The following MUC5B variants were observed in gnomAD, a reference collection of about 807,000 sequenced individuals.
MUC5B encodes mucin 5B, oligomeric mucus/gel-forming, also known as mucin-5B.
MUC5B carries 116 observed loss-of-function variants against 376.9 expected under a neutral mutation model. That is an observed-to-expected ratio of 0.31 (90% CI 0.26 to 0.36). The LOEUF (loss-of-function observed/expected upper bound fraction) is 0.36. Among genes scored for constraint, MUC5B ranks in the 10% least tolerant of loss-of-function variants. MUC5B has a pLI of 1.00. For synonymous variants in MUC5B, 3,517 were observed against 3,390.9 expected (o/e 1.04, Z -1.29); for missense variants, 7,165 against 7,769.9 (o/e 0.92, Z 2.93).
Position 1,246,781 on chromosome 11 carries a change from G to A in MUC5B, c.9901G>A (p.Gly3301Arg), listed in dbSNP as rs998774102. ...GSVATPSSTP[G>R]TAHTTKVPTT... is the part of the protein sequence containing the mutation. ...TGTGGCCACCCCCTCCTCCACCCCA[G>A]GAACAGCTCACACTACCAAAGTGCC... Residue 3301 changes from glycine to arginine, a missense_variant, in exon 31 of 49, where the codon GGA becomes AGA. By Grantham distance (125) the Gly-to-Arg change is moderately radical. Transcript: ENST00000529681. 2.5e-6 allele frequency: 4 copies of A among 1,610,056 alleles called. No homozygotes were observed. The African/African-American group carries it at 4.0e-5, about 16-fold the overall frequency.
intron 26 of MUC5B, 176 bp from the exon 27 acceptor site, chr11:1,239,262 G>A: frequency 1.1e-6 from 1 of 940,896 alleles, no homozygotes. Flanking sequence ...TCCAAGGGCA[G>A]GGCTGGGGAG....
rs1359543488 is a variant in MUC5B, at chr11:1,226,369, GGGGCCGTT to G, written c.199+99_199+106del. 4 of 1,456,352 alleles carry G rather than the reference GGGGCCGTT, an allele frequency of 2.7e-6. No homozygotes were observed. In the African/African-American group the frequency reaches 5.6e-5, roughly 20 times the overall value. The allele number at this position is 1,456,352 out of a possible 1,614,324, so 90.2% of individuals were successfully genotyped here. On this transcript the variant is annotated intron_variant, in intron 3 of 48. Coordinates refer to ENST00000529681, the MANE Select transcript of MUC5B (RefSeq NM_002458.3). ...TCTAGGGGTGCAGCTGCCACCAGGT[GGGGCCGTT>G]GGGCCAGACCCAGAGTCCTCCGTGT...
intron 1 of MUC5B, among the ~76,000 whole-genome samples, chr11:1,224,428 T>A (rs1333445598): frequency 1.4e-5 from 2 of 138,042 alleles, no homozygotes; most frequent in African/African-American, 2.7e-5. Flanking sequence ...ACGGAGCAGA[T>A]AACCAAGGGC....
intron 1 of MUC5B, among the ~76,000 whole-genome samples, chr11:1,224,206 T>G (rs1289543576): frequency 2.0e-5 from 3 of 152,186 alleles, no homozygotes; most frequent in Non-Finnish European, 4.4e-5. Context: ...CGTCCTCCTG[T>G]CCTCCACGCA....
intron 27 of MUC5B, 31 bp downstream of exon 27, chr11:1,239,597 C>T (rs762380379): frequency 2.6e-6 from 4 of 1,542,272 alleles, no homozygotes; most frequent in African/African-American, 2.7e-5. Context: ...GATGGAGCCT[C>T]CTCTCCTTGG....
intron 23 of MUC5B, among the ~76,000 whole-genome samples, chr11:1,235,804 C>T (rs766401313): frequency 1.3e-4 from 20 of 151,866 alleles, no homozygotes; most frequent in Admixed American, 4.6e-4. Flanking sequence ...GGCCCCCCCC[C>T]GCCCCCACGT....
At position 1,246,604 on chromosome 11, in the gene MUC5B, T is replaced by G; in HGVS notation, c.9724T>G (p.Ser3242Ala). The change falls in exon 31 of 49, where the codon TCT becomes GCT. Residue 3242 changes from serine (S) to alanine (A), a missense_variant. Physicochemically the swap from Ser to Ala is moderately conservative, Grantham distance 99. Coordinates refer to ENST00000529681, the MANE Select transcript of MUC5B (RefSeq NM_002458.3). ...PTATSVTAIP[S>A]SSLGTAWTRL... ...AGCTACCAGCGTTACAGCCATCCCC[T>G]CTTCCTCCCTGGGCACCGCCTGGAC... is the stretch of plus-strand genomic sequence containing the variant. The G allele has an allele frequency of 6.2e-7, 1 of 1,611,112 alleles. No homozygotes were observed. Among genetic ancestry groups the G allele is most frequent in the Non-Finnish European group, 8.5e-7 (1 of 1,179,132 alleles).
Position 1,254,147 on chromosome 11 carries a change from C to T in MUC5B, c.15273C>T (p.Tyr5091=), listed in dbSNP as rs773227141. Residue 5091 remains tyrosine (Y), a synonymous_variant, in exon 34 of 49, where the codon TAC becomes TAT. Coordinates refer to ENST00000529681, the MANE Select transcript of MUC5B (RefSeq NM_002458.3). ...SHYSTFDGTS[Y]TFRGNCTYVL... ...ATTCCACCTTTGACGGCACCTCTTA[C>T]ACCTTCCGGGGCAACTGCACCTATG... The T allele has an allele frequency of 9.9e-6, 16 of 1,612,866 alleles. No homozygotes were observed. The highest frequency in any genetic ancestry group is 9.3e-5 in the African/African-American group (7 of 74,942).
intron 25 of MUC5B, 27 bp from the exon 26 acceptor site, chr11:1,238,844 T>C: frequency 6.5e-7 from 1 of 1,539,984 alleles, no homozygotes; most frequent in Non-Finnish European, 8.8e-7. Flanking sequence ...TTGTCCCGGC[T>C]GAGCTGCACC....
At position 1,239,473 on chromosome 11, in the gene MUC5B, T is replaced by C; in HGVS notation, c.3490T>C (p.Cys1164Arg). 6.2e-7 allele frequency: 1 copy of C among 1,608,106 alleles called. No individual in the cohort carries two copies. ...TGACTTCTACAACCCACATGGGGGC[T>C]GTGAGTGGCACTACCAGCCCTGCGG... ...FCDFYNPHGG[C>R]EWHYQPCGAP... is the part of the protein sequence containing the mutation. Residue 1164 changes from cysteine to arginine, a missense_variant, in exon 27 of 49, where the codon TGT becomes CGT. Physicochemically the swap from Cys to Arg is radical, Grantham distance 180 (BLOSUM62 -3). Around this residue, in one of 31 missense-constraint regions of MUC5B, gnomAD observed 517 missense variants for 545.3 expected, o/e 0.95. Transcript: ENST00000529681.
intron 8 of MUC5B, 52 bp downstream of exon 8, chr11:1,228,817 G>C: frequency 1.4e-6 from 2 of 1,434,172 alleles, no homozygotes; most frequent in Non-Finnish European, 1.8e-6. Flanking sequence ...GAAGGGGCAG[G>C]GGGAGCGCCT....
In MUC5B at chr11:1,258,346, G is replaced by C. The variant is rs566478909; in HGVS notation, c.16572G>C (p.Ser5524=). Residue 5524 remains serine, a synonymous_variant, in exon 43 of 49, where the codon TCG becomes TCC. Transcript: ENST00000529681. The surrounding 1 kb of genome is among the most constrained non-coding windows in gnomAD (Gnocchi z 5.5). ...TCCTTCCAGGACCTCAGCTGTGTTC[G>C]TACAATGGCACCTTCTACGGGGTAA... ...PTFRCRPQLC[S]YNGTFYGVGA... is the part of the protein sequence containing the mutation. 1.9e-6 allele frequency: 3 copies of C among 1,612,022 alleles called. No individual in the cohort carries two copies. Among genetic ancestry groups the C allele is most frequent in the Non-Finnish European group, 2.5e-6 (3 of 1,179,596 alleles).
chr11:1,239,283 G>C (rs1463886945), intron 26 of MUC5B, 155 bp from the exon 27 acceptor site: 3 of 1,042,320 alleles, frequency 2.9e-6, no homozygotes, highest in Non-Finnish European at 4.1e-6. Flanking sequence ...TGGAGGGGAA[G>C]GTGAGGCACC....
chr11:1,243,266 C>T lies in MUC5B; in HGVS notation c.6386C>T (p.Thr2129Ile), dbSNP rs997551264. 4 of 1,555,472 alleles carry T rather than the reference C, an allele frequency of 2.6e-6. No homozygotes were observed. In the African/African-American group the frequency reaches 4.1e-5, roughly 16 times the overall value. Residue 2129 changes from threonine to isoleucine, a missense_variant, in exon 31 of 49, where the codon ACT becomes ATT. Around this residue, in one of 31 missense-constraint regions of MUC5B, gnomAD observed 897 missense variants for 779.6 expected, o/e 1.15. Coordinates refer to ENST00000529681, the MANE Select transcript of MUC5B (RefSeq NM_002458.3). ...TPSSSTQTSG[T>I]PPSLTTTATT... ...TCCTCTAGCACACAGACCAGTGGTA[C>T]TCCCCCATCACTGACCACCACGGCC...
chr11:1,261,688 C>G lies in MUC5B; in HGVS notation c.*80C>G, dbSNP rs2133857912. On this transcript the variant is annotated 3_prime_UTR_variant, in exon 49 of 49. Coordinates refer to ENST00000529681, the MANE Select transcript of MUC5B (RefSeq NM_002458.3). ...GTCTGATCATGAAAACCTTGGGCCT[C>G]CTCTGCGGAGCCCCCCGGCCTGTGT... 1 of 1,391,272 alleles carries G rather than the reference C, an allele frequency of 7.2e-7. No homozygotes were observed. The highest frequency in any genetic ancestry group is 9.9e-7 in the Non-Finnish European group (1 of 1,010,150). The allele number at this position is 1,391,272 out of a possible 1,614,324, so 86.2% of individuals were successfully genotyped here. A position where few individuals can be genotyped will look rare whatever the true frequency, so the allele number is the denominator to read the frequency against.
At chr11:1,229,092 C>T (rs903853101) in intron 8 of MUC5B, 78 bp from the exon 9 acceptor site, 12 of 1,423,228 alleles carry the variant, frequency 8.4e-6, no homozygotes, top group South Asian at 2.9e-5. Flanking sequence ...TGTGGAAGGC[C>T]GTGGAAGGCG....
chr11:1,233,331 C>G (rs1287565467), intron 18 of MUC5B, 63 bp downstream of exon 18: 40 of 1,447,840 alleles, frequency 2.8e-5, no homozygotes, highest in Non-Finnish European at 3.6e-5. Context: ...CCGCCCTCCC[C>G]GAAGGCTTCT....
In MUC5B at chr11:1,235,291, T is replaced by C. The variant is rs1198276060; in HGVS notation, c.2770-12T>C. The C allele has an allele frequency of 3.7e-6, 6 of 1,611,024 alleles. No homozygotes were observed. The Admixed American group carries it at 5.0e-5, about 13-fold the overall frequency. On this transcript the variant is annotated splice_polypyrimidine_tract_variant and intron_variant, in intron 22 of 48. Coordinates refer to ENST00000529681, the MANE Select transcript of MUC5B (RefSeq NM_002458.3). ...CAGCCCGCGGCCAGCAGCTTGTCTC[T>C]TTCTGGCCCAGGACTACTGTGGGGA...
Position 1,232,166 on chromosome 11 carries a change from C to A in MUC5B, c.1843+6C>A, listed in dbSNP as rs760010728. On this transcript the variant is annotated splice_donor_region_variant and intron_variant, in intron 15 of 48. Transcript: ENST00000529681. ...CTCCCTCAGTGTGGAGAATGGTACT[C>A]CTCGCCCCCACCCCCACAGTCACCC... 1 of 1,588,444 alleles carries A rather than the reference C, an allele frequency of 6.3e-7. No homozygotes were observed. The highest frequency in any genetic ancestry group is 8.6e-7 in the Non-Finnish European group (1 of 1,165,846).
Sources: allele counts gnomAD v4.1 joint callset (sites outside exome capture counted in the v4.1 genomes callset), GRCh38; gene constraint gnomAD v4.1.1; regional missense constraint gnomAD v4.1.1; non-coding constraint Gnocchi (gnomAD v3.1); transcripts MANE v1.5; gene names NCBI Gene and HGNC (gene_info 2026-07-23, HGNC 2026-07-21).